The following COG4 variants were observed in gnomAD, a reference collection of about 807,000 sequenced individuals.
The protein encoded by COG4 is conserved oligomeric Golgi complex subunit 4.
A neutral mutation model predicts 95.1 loss-of-function variants in COG4; 65 were observed. That is an observed-to-expected ratio of 0.68 (90% CI 0.56 to 0.84). The LOEUF is 0.84. Among genes scored for constraint, COG4 ranks in the 40% least tolerant of loss-of-function variants. The pLI, the probability that COG4 is intolerant of heterozygous loss-of-function variation, is 0.00. For synonymous variants in COG4, 421 were observed against 374.8 expected, an observed-to-expected ratio of 1.12 and a Z score of -1.42; for missense variants, 1,045 against 989.1, an observed-to-expected ratio of 1.06 and a Z score of -0.76.
chr16:70,501,370 T>G, intron 8 of COG4: 1 of 409,758 alleles, frequency 2.4e-6, no homozygotes, highest in Non-Finnish European at 4.6e-6. Context: ...ACTTTTTTTT[T>G]TGAGATGGAG....
chr16:70,487,640 CTATGT>C (rs1446333850), intron 13 of COG4, among the ~76,000 whole-genome samples: 6 of 152,178 alleles, frequency 3.9e-5, no homozygotes, highest in Non-Finnish European at 8.8e-5. Context: ...GTGACAGATA[CTATGT>C]TATGTTGTAC....
chr16:70,517,937 C>T (rs572142575), intron 2 of COG4, among the ~76,000 whole-genome samples, 197 bp from the exon 3 acceptor site: 2 of 146,628 alleles, frequency 1.4e-5, no homozygotes, highest in South Asian at 2.2e-4. Context: ...AAAATTAACT[C>T]TTTTTTTTTT....
At position 70,509,325 on chromosome 16, in the gene COG4, A is replaced by T. The variant is rs749840599; in HGVS notation, c.908T>A (p.Leu303His). 1.2e-6 allele frequency: 2 copies of T among 1,614,140 alleles called. No individual in the cohort carries two copies. Among genetic ancestry groups the T allele is most frequent in the Admixed American group, 3.3e-5 (2 of 60,000 alleles). The change falls in exon 7 of 19, where the codon CTC (leucine) becomes CAC (histidine). Residue 303 changes from leucine (L) to histidine (H), a missense_variant. Coordinates refer to ENST00000323786, the MANE Select transcript of COG4 (RefSeq NM_015386.3). Reference protein sequence around the residue: ...IVETYYGPGRLYTLIKYLQVE... With the variant: ...IVETYYGPGRHYTLIKYLQVE... ...CTGCAGATATTTGATCAGGGTATAG[A>T]GTCTCCCTGGCCCATAATAGGTCTC...
intron 3 of COG4, among the ~76,000 whole-genome samples, chr16:70,516,577 T>A (rs1411897297): frequency 6.6e-6 from 1 of 152,134 alleles, no homozygotes; most frequent in Non-Finnish European, 1.5e-5. Flanking sequence ...ACTACAGGCG[T>A]GAGCCACCGC....
intron 8 of COG4, among the ~76,000 whole-genome samples, chr16:70,505,274 T>C (rs1484905158): frequency 3.4e-5 from 5 of 148,244 alleles, no homozygotes; most frequent in African/African-American, 5.0e-5. Context: ...ATTGGCTCAC[T>C]GCAACCTCCA....
chr16:70,516,740 A>G (rs1350089531), intron 3 of COG4, among the ~76,000 whole-genome samples: 2 of 151,566 alleles, frequency 1.3e-5, no homozygotes, highest in Middle Eastern at 3.4e-3. Flanking sequence ...TTTTTTTTAA[A>G]TAGAAGCTGG....
At position 70,514,286 on chromosome 16, in the gene COG4, T is replaced by A. The variant is rs139372722; in HGVS notation, c.544+49A>T. ...ATTGGTCGAGTCTGCTTACTTCAGATTACAGATGATTTTAACTAAACTAAA... is the reference window on the plus strand; with the variant it reads ...ATTGGTCGAGTCTGCTTACTTCAGAATACAGATGATTTTAACTAAACTAAA... On this transcript the variant is annotated intron_variant, in intron 4 of 18. Coordinates refer to ENST00000323786, the MANE Select transcript of COG4 (RefSeq NM_015386.3). The A allele has an allele frequency of 1.3e-5, 20 of 1,565,348 alleles. No individual in the cohort carries two copies. In the Middle Eastern group the frequency reaches 8.3e-4, roughly 65 times the overall value.
At chr16:70,519,886 ACTTATGTTGCATGATTGTTAT>A (rs2049899065) in intron 1 of COG4, among the ~76,000 whole-genome samples, 155 bp from the exon 2 acceptor site, 1 of 152,176 alleles carries the variant, frequency 6.6e-6, no homozygotes, top group Non-Finnish European at 1.5e-5. Flanking sequence ...TTCATTTTGC[ACTTATGTTGCATGATTGTTAT>A]CTTACGTATA....
At position 70,482,012 on chromosome 16, in the gene COG4, A is replaced by C. The variant is rs11645572; in HGVS notation, c.2004+80T>G. 7,500 of 1,382,066 alleles carry C rather than the reference A, an allele frequency of 5.4e-3. 33 individuals are homozygous for C. Among genetic ancestry groups the C allele is most frequent in the Non-Finnish European group, 6.6e-3 (6,352 of 968,994 alleles). 85.6% of individuals were successfully genotyped at this position (1,382,066 alleles called of 1,614,324 possible). ...AAGGGCTTTCAGGGTCCCCAGAAGG[A>C]ATGTGATGAGACCCTGCAGGCTGCT... On this transcript the variant is annotated intron_variant, in intron 16 of 18. Coordinates refer to ENST00000323786, the MANE Select transcript of COG4 (RefSeq NM_015386.3).
At chr16:70,506,091 G>A (rs2049560246) in intron 8 of COG4, among the ~76,000 whole-genome samples, 2 of 150,838 alleles carry the variant, frequency 1.3e-5, no homozygotes, top group East Asian at 2.0e-4. Context: ...GACCAGCCTG[G>A]CCAAAATGGC....
chr16:70,500,144 T>C (rs1356144931), intron 9 of COG4, among the ~76,000 whole-genome samples: 10 of 151,850 alleles, frequency 6.6e-5, no homozygotes, highest in Non-Finnish European at 1.5e-4. Context: ...AATTTTTATC[T>C]TTTAATATAG....
At chr16:70,509,023 G>T in intron 7 of COG4, 1 of 650,242 alleles carries the variant, frequency 1.5e-6, no homozygotes, top group Non-Finnish European at 2.7e-6. Context: ...TTCCGTTTTG[G>T]TCTTGAACTG....
At chr16:70,494,753 C>T (rs1031527265) in intron 12 of COG4, among the ~76,000 whole-genome samples, 1 of 152,146 alleles carries the variant, frequency 6.6e-6, no homozygotes, top group African/African-American at 2.4e-5. Context: ...TAAAAAAAAT[C>T]ACAAACAAAA....
At chr16:70,488,534 C>T (rs1278465278) in intron 13 of COG4, among the ~76,000 whole-genome samples, 1 of 152,086 alleles carries the variant, frequency 6.6e-6, no homozygotes, top group Non-Finnish European at 1.5e-5. Context: ...GCTGAGACTA[C>T]AGGCACGAGC....
At chr16:70,484,414 TAGTTCC>T (rs949388002) in intron 13 of COG4, among the ~76,000 whole-genome samples, 19 of 152,374 alleles carry the variant, frequency 1.2e-4, no homozygotes, top group African/African-American at 4.6e-4. Flanking sequence ...ATTATTGCTA[TAGTTCC>T]TCCTTTCCCC....
In COG4 at chr16:70,509,378, G is replaced by A; in HGVS notation, c.855C>T (p.Arg285=). 1 of 1,614,184 alleles carries A rather than the reference G, an allele frequency of 6.2e-7. No individual in the cohort carries two copies. Among genetic ancestry groups the A allele is most frequent in the African/African-American group, 1.3e-5 (1 of 75,056 alleles). ...TLTLLFEGIA[R]IVETHQPIVE... ...CTATTGGCTGGTGGGTCTCCACAAT[G>A]CGGGCAATCCCTAGAAGGGAGGAAG... The change falls in exon 7 of 19, where the codon CGC becomes CGT. Residue 285 remains arginine (R), a synonymous_variant. Transcript: ENST00000323786.
In COG4 at chr16:70,509,942, G is replaced by T. The variant is rs759882538; in HGVS notation, c.818C>A (p.Ala273Glu). ...MSDRRAAVIF[A>E]DTLTLLFEGI... ...TTCAAACAGAAGAGTAAGTGTATCTGCAAAGATGACTGCAGCTCTCCGATC... is the reference window on the plus strand; with the variant it reads ...TTCAAACAGAAGAGTAAGTGTATCTTCAAAGATGACTGCAGCTCTCCGATC... The change falls in exon 6 of 19, where the codon GCA becomes GAA. Residue 273 changes from alanine (A) to glutamate (E), a missense_variant. Coordinates refer to ENST00000323786, the MANE Select transcript of COG4 (RefSeq NM_015386.3). 2 of 1,613,802 alleles carry T rather than the reference G, an allele frequency of 1.2e-6. No homozygotes were observed. Among genetic ancestry groups the T allele is most frequent in the Admixed American group, 3.3e-5 (2 of 59,994 alleles).
intron 14 of COG4, 102 bp from the exon 15 acceptor site, chr16:70,482,923 T>TC: frequency 1.4e-6 from 1 of 713,018 alleles, no homozygotes; most frequent in African/African-American, 2.4e-5. Context: ...CCCATCCCTT[T>TC]CCTCTCCTCT....
At chr16:70,508,270 C>T (rs2049621204) in intron 8 of COG4, 136 bp downstream of exon 8, 3 of 775,036 alleles carry the variant, frequency 3.9e-6, no homozygotes, top group Admixed American at 4.0e-5. Flanking sequence ...TCATATGATA[C>T]ATTGCACTGA....
Sources: gnomAD v4.1 joint callset for allele counts (sites outside exome capture counted in the v4.1 genomes callset) on GRCh38, gnomAD v4.1.1 for gene constraint, MANE v1.5 for transcripts, NCBI Gene and HGNC (gene_info 2026-07-23, HGNC 2026-07-21) for gene names.